Variants in NEB observed in about 807,000 individuals in gnomAD.
NEB encodes nebulin, also known as nemaline myopathy type 2.
In NEB, 512 loss-of-function variants were observed where a neutral mutation model predicts 952.2. The ratio of observed to expected loss-of-function variants is 0.54; its 90% CI spans 0.50 to 0.58. NEB has a LOEUF of 0.58. Ranked by LOEUF, NEB falls within the 20% of genes least tolerant of loss-of-function variation. The probability of loss-of-function intolerance (pLI) is 0.00; values close to 1 mark genes in which losing one functional copy is unlikely to be tolerated. For missense variants in NEB, 8,428 were observed against 9,231.1 expected (o/e 0.91, Z 3.56); for synonymous variants, 2,900 against 3,149.8 (o/e 0.92, Z 2.66).
At chr2:151,570,007 G>C in intron 109 of NEB, 74 bp downstream of exon 109, 1 of 1,381,420 alleles carries the variant, frequency 7.2e-7, no homozygotes, top group East Asian at 2.5e-5. Context: ...TGACAGAAGG[G>C]GTTAGTGTCA....
intron 107 of NEB, among the ~76,000 whole-genome samples, chr2:151,572,379 G>A (rs1350064737): frequency 1.3e-5 from 2 of 151,160 alleles, no homozygotes; most frequent in African/African-American, 2.4e-5. Context: ...TAATGCAAAC[G>A]TGTATTATGT....
chr2:151,561,572 C>CTTTTTT (rs376827489), intron 121 of NEB, among the ~76,000 whole-genome samples: 1 of 133,748 alleles, frequency 7.5e-6, no homozygotes, highest in East Asian at 2.1e-4. Flanking sequence ...CAGCCCCTCA[C>CTTTTTT]TTTTTTTTTT....
intron 27 of NEB, among the ~76,000 whole-genome samples, chr2:151,686,513 A>G (rs931175517): frequency 6.6e-6 from 1 of 152,230 alleles, no homozygotes; most frequent in Non-Finnish European, 1.5e-5. Flanking sequence ...ATAAGTGAGC[A>G]CTATATACTG....
chr2:151,662,043 A>T, intron 46 of NEB, 92 bp downstream of exon 46: 1 of 1,127,026 alleles, frequency 8.9e-7, no homozygotes, highest in Non-Finnish European at 1.3e-6. Context: ...GTGATGCCCT[A>T]TAACTGTATT....
intron 114 of NEB, 99 bp from the exon 115 acceptor site, chr2:151,565,919 C>G (rs959174328): frequency 2.7e-6 from 2 of 729,312 alleles, no homozygotes; most frequent in African/African-American, 3.5e-5. Context: ...TAAAGGATTT[C>G]TCTCTAGTAG....
chr2:151,689,136 C>T (rs1170796283), intron 24 of NEB: 3 of 150,604 alleles, frequency 2.0e-5, no homozygotes, highest in Non-Finnish European at 2.9e-5. Context: ...GTAATTAAAG[C>T]ACTAACAAAA....
In NEB at chr2:151,643,090, C is replaced by G. The variant is rs1296093900; in HGVS notation, c.8160+60G>C. On this transcript the variant is annotated intron_variant, in intron 58 of 181. Coordinates refer to ENST00000397345, the MANE Select transcript of NEB (RefSeq NM_001164508.2). ...ACAAGTTTTCTTTTATACAAACAGA[C>G]TTCAGTGTTTCCATAAACAAAAAAA... 4 of 1,501,640 alleles carry G rather than the reference C, an allele frequency of 2.7e-6. No homozygotes were observed. In the East Asian group the frequency reaches 9.0e-5, roughly 34 times the overall value. The allele number at this position is 1,501,640 out of a possible 1,614,324, so 93.0% of individuals were successfully genotyped here. A position where few individuals can be genotyped will look rare whatever the true frequency, so the allele number is the denominator to read the frequency against.
rs1267639761 is a variant in NEB at position 151,503,437 on chromosome 2, A to C, written c.23747T>G (p.Met7916Arg). 1 of 1,602,230 alleles carries C rather than the reference A, an allele frequency of 6.2e-7. No individual in the cohort carries two copies. The highest frequency in any genetic ancestry group is 1.7e-5 in the Admixed American group (1 of 59,986). ...KETQKHISSVMYKENLGTGIP... is the reference protein window; with the variant it reads ...KETQKHISSVRYKENLGTGIP... ...GCCTGTTCCCAAGTTTTCTTTGTAC[A>C]TAACCTGTAGAAAATAATTAGAATA... The change falls in exon 166 of 182, where the codon ATG becomes AGG. Residue 7916 changes from methionine to arginine, a missense_variant. Around this residue, in one of 11 missense-constraint regions of NEB, gnomAD observed 3,374 missense variants for 3,651.5 expected, o/e 0.92. Transcript: ENST00000397345.
Position 151,678,118 on chromosome 2 carries a change from GGTCATC to G in NEB, c.3319_3324del (p.Asp1107_Asp1108del). 6.2e-7 allele frequency: 1 copy of G among 1,613,524 alleles called. No individual in the cohort carries two copies. The highest frequency in any genetic ancestry group is 8.5e-7 in the Non-Finnish European group (1 of 1,179,604). ...ACGTTCATATAATGAACCAGTTTAGGGTCATCTTGAAGACTTTGGAAGCCAACCATT... is the reference window on the plus strand; with the variant it reads ...ACGTTCATATAATGAACCAGTTTAGGTTGAAGACTTTGGAAGCCAACCATT... On this transcript the variant is annotated inframe_deletion, in exon 33 of 182. Transcript: ENST00000397345.
chr2:151,485,724 G>C lies in NEB; in HGVS notation c.*36C>G, dbSNP rs773628949. The C allele has an allele frequency of 6.4e-7, 1 of 1,564,374 alleles. No homozygotes were observed. The highest frequency in any genetic ancestry group is 1.3e-5 in the African/African-American group (1 of 74,152). ...AACCGAAACATTGACTGCAGGATCTGTAAGTCCTGCAGACAAGTGTGATGC... is the reference window on the plus strand; with the variant it reads ...AACCGAAACATTGACTGCAGGATCTCTAAGTCCTGCAGACAAGTGTGATGC... On this transcript the variant is annotated 3_prime_UTR_variant, in exon 182 of 182. Transcript: ENST00000397345.
At chr2:151,619,815 T>C (rs2098339802) in intron 72 of NEB, 53 bp from the exon 73 acceptor site, 2 of 1,533,432 alleles carry the variant, frequency 1.3e-6, no homozygotes, top group East Asian at 4.5e-5. Flanking sequence ...CTATTCCCTG[T>C]TGTTCTTTCT....
intron 147 of NEB, 58 bp downstream of exon 147, chr2:151,527,423 C>T: frequency 8.4e-7 from 1 of 1,197,168 alleles, no homozygotes; most frequent in South Asian, 1.4e-5. Flanking sequence ...AATAATTATT[C>T]ATTGTATTTC....
In NEB at chr2:151,567,307, A is replaced by G. The variant is rs775473966; in HGVS notation, c.18017T>C (p.Met6006Thr). 12 of 1,613,830 alleles carry G rather than the reference A, an allele frequency of 7.4e-6. No homozygotes were observed. The South Asian group carries it at 9.9e-5, about 13-fold the overall frequency. ...TKAKINIPAD[M>T]VSVLAAKQGQ... Reference sequence around the variant, plus strand: ...CTGCTTGGCGGCCAAGACTGACACCATATCAGCAGGTATATTGATTTTGGC... The same window carrying G: ...CTGCTTGGCGGCCAAGACTGACACCGTATCAGCAGGTATATTGATTTTGGC... Residue 6006 changes from methionine to threonine, a missense_variant, in exon 114 of 182, where the codon ATG (methionine) becomes ACG (threonine). Coordinates refer to ENST00000397345, the MANE Select transcript of NEB (RefSeq NM_001164508.2).
At position 151,568,687 on chromosome 2, in the gene NEB, G is replaced by C. The variant is rs1000805419; in HGVS notation, c.17565C>G (p.Leu5855=). 6.2e-7 allele frequency: 1 copy of C among 1,605,692 alleles called. No individual in the cohort carries two copies. Residue 5855 remains leucine, a synonymous_variant, in exon 111 of 182, where the codon CTC becomes CTG. Transcript: ENST00000397345. The part of the protein sequence containing the change: ...EKKYRTKIET[L]NFTPVDDRVD... ...CTCTGTCATCCACAGGCGTAAAGTT[G>C]AGAGTTTCTATTTTTGTGCGATATT...
At position 151,659,133 on chromosome 2, in the gene NEB, T is replaced by C. The variant is rs1179191268; in HGVS notation, c.6007A>G (p.Lys2003Glu). 5 of 1,613,174 alleles carry C rather than the reference T, an allele frequency of 3.1e-6. No individual in the cohort carries two copies. The highest frequency in any genetic ancestry group is 1.1e-5 in the South Asian group (1 of 91,062). ...GGGATATCAGGCATGATGTGGACTT[T>C]GGTTTTGTCAGCCTCCCATGCTTGT... ...YKQAWEADKT[K>E]VHIMPDIPQI... Residue 2003 changes from lysine to glutamate, a missense_variant, in exon 47 of 182, where the codon AAA becomes GAA. Around this residue, in one of 11 missense-constraint regions of NEB, gnomAD observed 2,851 missense variants for 2,791.5 expected, o/e 1.02. Transcript: ENST00000397345.
chr2:151,616,052 C>A lies in NEB; in HGVS notation c.11239G>T (p.Asp3747Tyr), dbSNP rs1480023469. 6.2e-7 allele frequency: 1 copy of A among 1,613,232 alleles called. No individual in the cohort carries two copies. The highest frequency in any genetic ancestry group is 8.5e-7 in the Non-Finnish European group (1 of 1,179,646). Residue 3747 changes from aspartate (D) to tyrosine (Y), a missense_variant, in exon 76 of 182, where the codon GAT (aspartate) becomes TAT (tyrosine). Transcript: ENST00000397345. Reference protein sequence around the residue: ...SKKEGYDLRLDAIPIQAAKAS... With the variant: ...SKKEGYDLRLYAIPIQAAKAS... ...TTGGCTGCTTGGATTGGAATGGCAT[C>A]CAGACGCAAGTCATAGCCTTCCTTC...
chr2:151,671,095 G>A lies in NEB; in HGVS notation c.4434C>T (p.Thr1478=), dbSNP rs747503023. The A allele has an allele frequency of 3.2e-5, 52 of 1,613,844 alleles. No individual in the cohort carries two copies. Among genetic ancestry groups the A allele is most frequent in the Non-Finnish European group, 3.9e-5 (46 of 1,179,886 alleles). Residue 1478 remains threonine (T), a synonymous_variant, in exon 38 of 182, where the codon ACC becomes ACT. Coordinates refer to ENST00000397345, the MANE Select transcript of NEB (RefSeq NM_001164508.2). ...NERKYRQHPD[T]VKFTSVPDSM... is the part of the protein sequence containing the mutation. ...AATCAGGCACACTTGTGAACTTGAC[G>A]GTATCTGGGTGCTGTCGATACTTCC...
chr2:151,629,526 T>C lies in NEB; in HGVS notation c.9831+13A>G. On this transcript the variant is annotated intron_variant, in intron 68 of 181. Coordinates refer to ENST00000397345, the MANE Select transcript of NEB (RefSeq NM_001164508.2). ...CATCCATCCATGTAAATATCTAGGG[T>C]GTTGCTACTCACATCACTGATAACG... The C allele has an allele frequency of 6.3e-7, 1 of 1,588,528 alleles. No homozygotes were observed. Among genetic ancestry groups the C allele is most frequent in the South Asian group, 1.1e-5 (1 of 90,548 alleles).
chr2:151,630,613 G>T, intron 67 of NEB, 102 bp downstream of exon 67: 2 of 879,594 alleles, frequency 2.3e-6, no homozygotes, highest in Non-Finnish European at 1.8e-6. Context: ...AGTGTTAAAT[G>T]AAAGAGCCAC....
Sources: allele counts gnomAD v4.1 joint callset (sites outside exome capture counted in the v4.1 genomes callset), GRCh38; gene constraint gnomAD v4.1.1; regional missense constraint gnomAD v4.1.1; transcripts MANE v1.5; gene names NCBI Gene and HGNC (gene_info 2026-07-23, HGNC 2026-07-21).